The following ESRRG variants were observed in gnomAD, a reference collection of about 807,000 sequenced individuals.
ESRRG encodes estrogen related receptor gamma, also known as estrogen-related receptor gamma.
A neutral mutation model predicts 44.0 loss-of-function variants in ESRRG; 13 were observed. The ratio of observed to expected loss-of-function variants is 0.30; its 90% confidence interval spans 0.19 to 0.47. The LOEUF is 0.47. Ranked by LOEUF, ESRRG falls within the 20% of genes least tolerant of loss-of-function variation. The probability of loss-of-function intolerance (pLI) is 1.00; values close to 1 mark genes in which losing one functional copy is unlikely to be tolerated. For synonymous variants in ESRRG, 215 were observed against 214.6 expected (o/e 1.00, Z -0.02); for missense variants, 395 against 580.6 (o/e 0.68, Z 3.29).
At chr1:216,627,625 CG>C (rs2063407413) in intron 3 of ESRRG, among the ~76,000 whole-genome samples, 1 of 152,158 alleles carries the variant, frequency 6.6e-6, no homozygotes, top group Non-Finnish European at 1.5e-5. Flanking sequence ...CAGAATTCCA[CG>C]AGCATGCTTA....
intron 1 of ESRRG, among the ~76,000 whole-genome samples, chr1:216,943,929 G>A (rs2065666297): frequency 6.6e-6 from 1 of 152,032 alleles, no homozygotes; most frequent in East Asian, 1.9e-4. Context: ...GGAGATGTAG[G>A]GCAAAGACAA....
chr1:216,792,606 T>C (rs1225823505), intron 2 of ESRRG, among the ~76,000 whole-genome samples: 1 of 152,192 alleles, frequency 6.6e-6, no homozygotes, highest in Non-Finnish European at 1.5e-5. Context: ...TTTCCACAAA[T>C]TGAATAAATG....
At chr1:217,068,512 T>C (rs536950848) in intron 1 of ESRRG, among the ~76,000 whole-genome samples, 1 of 152,146 alleles carries the variant, frequency 6.6e-6, no homozygotes, top group Non-Finnish European at 1.5e-5. Flanking sequence ...CAATCTCTAG[T>C]CTTCGGCTAT....
chr1:216,861,416 A>G (rs1257250671), intron 2 of ESRRG, among the ~76,000 whole-genome samples: 3 of 152,072 alleles, frequency 2.0e-5, no homozygotes, highest in Non-Finnish European at 4.4e-5. Flanking sequence ...AGTGGTGAAT[A>G]TGCTAATTAT....
intron 1 of ESRRG, among the ~76,000 whole-genome samples, chr1:217,027,378 A>G (rs555577615): frequency 2.0e-5 from 3 of 152,270 alleles, no homozygotes; most frequent in African/African-American, 7.2e-5. Flanking sequence ...CTTACACCCT[A>G]GTTCTTCGTT....
intron 2 of ESRRG, among the ~76,000 whole-genome samples, chr1:216,768,057 G>A (rs1249166802): frequency 6.6e-6 from 1 of 152,040 alleles, no homozygotes; most frequent in Non-Finnish European, 1.5e-5. Flanking sequence ...AACATACATT[G>A]TCTCTAACCC....
At chr1:216,620,213 T>G (rs2062004979) in intron 3 of ESRRG, among the ~76,000 whole-genome samples, 1 of 152,170 alleles carries the variant, frequency 6.6e-6, no homozygotes, top group African/African-American at 2.4e-5. Context: ...ATATCTCAGT[T>G]CCCCAATTTT....
At chr1:216,866,043 G>A (rs114377393) in intron 2 of ESRRG, among the ~76,000 whole-genome samples, 1 of 152,152 alleles carries the variant, frequency 6.6e-6, no homozygotes, top group Non-Finnish European at 1.5e-5. Flanking sequence ...GAAATAAGCT[G>A]CCCAGATATT....
At chr1:216,824,904 G>A (rs1296780607) in intron 2 of ESRRG, among the ~76,000 whole-genome samples, 1 of 152,176 alleles carries the variant, frequency 6.6e-6, no homozygotes, top group East Asian at 1.9e-4. Flanking sequence ...ACTAGGTGAA[G>A]AACAATGTTT....
At chr1:217,054,350 T>G (rs2151279668) in intron 1 of ESRRG, among the ~76,000 whole-genome samples, 1 of 152,334 alleles carries the variant, frequency 6.6e-6, no homozygotes, top group South Asian at 2.1e-4. Context: ...AGGCACATTT[T>G]ATTTGCCTTC....
rs532123966 is a variant in ESRRG, at chr1:216,517,449, C to A, written c.1132+1703G>T. Among the ~76,000 whole-genome samples, 8 of 152,182 alleles carry A rather than the reference C, an allele frequency of 5.3e-5. No individual in the cohort carries two copies. The South Asian group carries it at 8.3e-4, about 16-fold the overall frequency. On this transcript the variant is annotated intron_variant, in intron 6 of 6. Coordinates refer to ENST00000408911, the MANE Select transcript of ESRRG (RefSeq NM_001438.4). ...AATATCTAAAATTATACATTTTTAGCAATTTTGTTGATAAAGTTTTAGCAT... is the reference window on the plus strand; with the variant it reads ...AATATCTAAAATTATACATTTTTAGAAATTTTGTTGATAAAGTTTTAGCAT...
At chr1:216,582,831 T>G (rs766456621) in intron 3 of ESRRG, among the ~76,000 whole-genome samples, 20 of 152,186 alleles carry the variant, frequency 1.3e-4, no homozygotes, top group Non-Finnish European at 2.5e-4. Context: ...TGGCAAAAGA[T>G]GAAAAGGATC....
At chr1:216,595,779 T>G (rs950980195) in intron 3 of ESRRG, among the ~76,000 whole-genome samples, 1 of 152,242 alleles carries the variant, frequency 6.6e-6, no homozygotes, top group African/African-American at 2.4e-5. Context: ...TGGGATCAAC[T>G]GCCAATTTTA....
In ESRRG at chr1:216,560,311, G is replaced by A. The variant is rs1235146654; in HGVS notation, c.862+3908C>T. Among the ~76,000 whole-genome samples, 3 of 151,884 alleles carry A rather than the reference G, an allele frequency of 2.0e-5. No individual in the cohort carries two copies. The East Asian group carries it at 5.8e-4, about 29-fold the overall frequency. ...TGAGCAAAGTCCTCCTTCTTCAATG[G>A]GTAATTATTTAATTTGTCACGTTAA... On this transcript the variant is annotated intron_variant, in intron 5 of 6. Transcript: ENST00000408911.
At chr1:216,851,537 C>T (rs577486935) in intron 2 of ESRRG, among the ~76,000 whole-genome samples, 15 of 139,186 alleles carry the variant, frequency 1.1e-4, no homozygotes, top group African/African-American at 2.7e-4. Flanking sequence ...AGCGCTCTTG[C>T]CCTCTTTCCA....
chr1:216,713,461 C>T (rs2084093484), intron 1 of ESRRG, among the ~76,000 whole-genome samples: 1 of 151,134 alleles, frequency 6.6e-6, no homozygotes, highest in Middle Eastern at 3.2e-3. Flanking sequence ...TAGCATTTTA[C>T]AAGTCTGATC....
intron 6 of ESRRG, among the ~76,000 whole-genome samples, chr1:216,512,398 A>G (rs1331657748): frequency 2.6e-5 from 4 of 152,222 alleles, no homozygotes; most frequent in Non-Finnish European, 5.9e-5. Flanking sequence ...TTCAACTAAT[A>G]AATTGTAGGA....
chr1:216,709,801 A>T (rs1314115616), intron 1 of ESRRG, among the ~76,000 whole-genome samples: 3 of 148,020 alleles, frequency 2.0e-5, no homozygotes, highest in Non-Finnish European at 4.5e-5. Context: ...TCACATAATT[A>T]AACACACAAA....
chr1:216,559,908 C>T (rs2058381729), intron 5 of ESRRG, among the ~76,000 whole-genome samples: 1 of 151,956 alleles, frequency 6.6e-6, no homozygotes, highest in South Asian at 2.1e-4. Flanking sequence ...AAGTTTATAC[C>T]CTAAATGTAG....
Sources: gnomAD v4.1 joint callset for allele counts (sites outside exome capture counted in the v4.1 genomes callset) on GRCh38, gnomAD v4.1.1 for gene constraint, MANE v1.5 for transcripts, NCBI Gene and HGNC (gene_info 2026-07-23, HGNC 2026-07-21) for gene names.